Variants in USP5 observed in about 807,000 individuals in gnomAD.
USP5 encodes the protein ubiquitin specific peptidase 5, also known as ubiquitin carboxyl-terminal hydrolase 5.
Under a neutral mutation model 102.5 loss-of-function variants are expected in USP5, and 24 were observed. The ratio of observed to expected loss-of-function variants is 0.23; its 90% CI spans 0.17 to 0.33. The LOEUF (loss-of-function observed/expected upper bound fraction) is 0.33, where lower values mean the gene tolerates loss of function less well. Ranked by LOEUF, USP5 falls within the 10% of genes least tolerant of loss-of-function variation. The pLI is 1.00. For missense variants in USP5, 753 were observed against 1,122.1 expected (o/e 0.67, Z 4.70); for synonymous variants, 460 against 434.8 (o/e 1.06, Z -0.72).
chr12:6,855,601 T>G lies in USP5; in HGVS notation c.237+75T>G. On this transcript the variant is annotated intron_variant, in intron 2 of 19. Coordinates refer to ENST00000229268, the MANE Select transcript of USP5 (RefSeq NM_001098536.2). The surrounding 1 kb of genome is among the most constrained non-coding windows in gnomAD (Gnocchi z 4.6). ...GACCTCCTATTGGACTCAGTTTCTTTTTTTCACCTACTTTTGTGTCATTAA... is the reference window on the plus strand; with the variant it reads ...GACCTCCTATTGGACTCAGTTTCTTGTTTTCACCTACTTTTGTGTCATTAA... The G allele has an allele frequency of 6.3e-7, 1 of 1,591,546 alleles. No individual in the cohort carries two copies. The highest frequency in any genetic ancestry group is 1.1e-5 in the South Asian group (1 of 88,028).
At chr12:6,853,745 A>G (rs1944020756) in intron 1 of USP5, among the ~76,000 whole-genome samples, 1 of 152,222 alleles carries the variant, frequency 6.6e-6, no homozygotes, top group African/African-American at 2.4e-5. Context: ...TTCTTTGCTA[A>G]CCAACTTCCA....
intron 1 of USP5, among the ~76,000 whole-genome samples, chr12:6,854,174 T>C (rs1944039137): frequency 6.6e-6 from 1 of 152,254 alleles, no homozygotes; most frequent in African/African-American, 2.4e-5. Flanking sequence ...ATGTGTGTTC[T>C]AGCTATCTCA....
In USP5 at chr12:6,864,149, C is replaced by G; in HGVS notation, c.2198C>G (p.Ser733Cys). The change falls in exon 17 of 20, where the codon TCC (serine) becomes TGC (cysteine). Residue 733 changes from serine to cysteine, a missense_variant. By Grantham distance (112) the Ser-to-Cys change is moderately radical. Coordinates refer to ENST00000229268, the MANE Select transcript of USP5 (RefSeq NM_001098536.2). This position sits in a 1 kb window ranked among gnomAD's most constrained non-coding sequence, Gnocchi z 4.8. ...GAGGACTGTGTGACCACCATTGTCT[C>G]CATGGGCTTCTCCCGGGACCAGGCC... ...PPEDCVTTIV[S>C]MGFSRDQALK... The G allele has an allele frequency of 1.2e-6, 2 of 1,613,916 alleles. No homozygotes were observed. Among genetic ancestry groups the G allele is most frequent in the Non-Finnish European group, 1.7e-6 (2 of 1,179,866 alleles).
At chr12:6,862,376 C>A in intron 13 of USP5, 94 bp from the exon 14 acceptor site, 1 of 1,108,940 alleles carries the variant, frequency 9.0e-7, no homozygotes, top group Non-Finnish European at 1.4e-6. Flanking sequence ...GTTATTGGGA[C>A]TTCTACCCAT....
intron 7 of USP5, 25 bp downstream of exon 7, chr12:6,857,748 T>G (rs369275986): frequency 1.2e-6 from 2 of 1,612,520 alleles, no homozygotes; most frequent in Non-Finnish European, 1.7e-6. Flanking sequence ...AACTTCAGAT[T>G]CTTCTACTTC....
At position 6,861,166 on chromosome 12, in the gene USP5, C is replaced by T. The variant is rs1944266515; in HGVS notation, c.1498+60C>T. The T allele has an allele frequency of 3.8e-6, 6 of 1,596,678 alleles. No homozygotes were observed. The highest frequency in any genetic ancestry group is 1.9e-4 in the Middle Eastern group (1 of 5,396). ...GGGAGGCTAAGGTCTAGGAGGAATG[C>T]TTGGGCACCTCATGGGAGCACAGCC... On this transcript the variant is annotated intron_variant, in intron 12 of 19. Coordinates refer to ENST00000229268, the MANE Select transcript of USP5 (RefSeq NM_001098536.2). The surrounding 1 kb of genome is among the most constrained non-coding windows in gnomAD (Gnocchi z 4.9).
In USP5 at chr12:6,865,816, C is replaced by T. The variant is rs781956555; in HGVS notation, c.2484-168C>T. Among the ~76,000 whole-genome samples the T allele has an allele frequency of 7.9e-5, 12 of 152,266 alleles. No individual in the cohort carries two copies. In the East Asian group the frequency reaches 2.3e-3, roughly 29 times the overall value. On this transcript the variant is annotated intron_variant, in intron 19 of 19. Transcript: ENST00000229268. ...TGAAGACATAATAGGGTCCGTGACC[C>T]TTGTGAGGTTGTGAAGCTCCCTTAA...
At position 6,856,604 on chromosome 12, in the gene USP5, AG is replaced by A; in HGVS notation, c.585-102del. On this transcript the variant is annotated intron_variant, in intron 5 of 19. Coordinates refer to ENST00000229268, the MANE Select transcript of USP5 (RefSeq NM_001098536.2). This position sits in a 1 kb window ranked among gnomAD's most constrained non-coding sequence, Gnocchi z 5.6. ...CATGGGGATGGCCAGAGGAGAAGAG[AG>A]AGAGACCTTGGATTGGCGGGGGGCC... The A allele has an allele frequency of 6.4e-7, 1 of 1,560,232 alleles. No homozygotes were observed.
In USP5 at chr12:6,855,721, C is replaced by T; in HGVS notation, c.238-34C>T. 1 of 1,613,612 alleles carries T rather than the reference C, an allele frequency of 6.2e-7. No homozygotes were observed. The highest frequency in any genetic ancestry group is 8.5e-7 in the Non-Finnish European group (1 of 1,179,628). ...CCCGACTTGTTCCTTCGCTCGTGCT[C>T]ATTGCTGATCCAGCCCTTCCTGCTT... On this transcript the variant is annotated intron_variant, in intron 2 of 19. Coordinates refer to ENST00000229268, the MANE Select transcript of USP5 (RefSeq NM_001098536.2). This position sits in a 1 kb window ranked among gnomAD's most constrained non-coding sequence, Gnocchi z 4.6.
chr12:6,856,788 C>G lies in USP5; in HGVS notation c.666C>G (p.Arg222=). Residue 222 remains arginine (R), a synonymous_variant, in exon 6 of 20, where the codon CGC becomes CGG. Transcript: ENST00000229268. This position sits in a 1 kb window ranked among gnomAD's most constrained non-coding sequence, Gnocchi z 5.6. ...LTDGSILCGR[R]YFDGSGGNNH... ...ATGGCTCCATCCTCTGTGGGCGACG[C>G]TACTTCGATGGCAGTGGGGGCAACA... is the stretch of plus-strand genomic sequence containing the variant. 6.2e-7 allele frequency: 1 copy of G among 1,614,196 alleles called. No individual in the cohort carries two copies. Among genetic ancestry groups the G allele is most frequent in the Non-Finnish European group, 8.5e-7 (1 of 1,180,028 alleles).
rs1555127046 is a variant in USP5, at chr12:6,852,308, G to C, written c.111+18G>C. 6.3e-7 allele frequency: 1 copy of C among 1,594,824 alleles called. No individual in the cohort carries two copies. The highest frequency in any genetic ancestry group is 1.3e-5 in the African/African-American group (1 of 74,926). On this transcript the variant is annotated intron_variant, in intron 1 of 19. Coordinates refer to ENST00000229268, the MANE Select transcript of USP5 (RefSeq NM_001098536.2). ...ACACGCCGGTAAGCCCATTCCCCAC[G>C]CCCGCAACGAGCACGACTTCCTTCC...
chr12:6,856,384 T>A lies in USP5; in HGVS notation c.518T>A (p.Val173Glu), dbSNP rs1565530104. The A allele has an allele frequency of 8.7e-6, 14 of 1,613,770 alleles. No homozygotes were observed. Among genetic ancestry groups the A allele is most frequent in the Non-Finnish European group, 1.1e-5 (13 of 1,179,970 alleles). ...GAGGTGCAGGCATGGGATGGGGAAG[T>A]ACGGCAGGTGTCTAAGCATGCCTTC... ...KQEVQAWDGEVRQVSKHAFSL... is the reference protein window; with the variant it reads ...KQEVQAWDGEERQVSKHAFSL... The change falls in exon 5 of 20, where the codon GTA becomes GAA. Residue 173 changes from valine (V) to glutamate (E), a missense_variant. Physicochemically the swap from Val to Glu is moderately radical, Grantham distance 121 (BLOSUM62 -2). This residue lies in a region of USP5 where 527 missense variants were observed against 816.5 expected (regional missense o/e 0.65). Coordinates refer to ENST00000229268, the MANE Select transcript of USP5 (RefSeq NM_001098536.2). This position sits in a 1 kb window ranked among gnomAD's most constrained non-coding sequence, Gnocchi z 5.6.
Position 6,858,689 on chromosome 12 carries a change from T to C in USP5, c.1058+72T>C. On this transcript the variant is annotated intron_variant, in intron 8 of 19. Coordinates refer to ENST00000229268, the MANE Select transcript of USP5 (RefSeq NM_001098536.2). This position sits in a 1 kb window ranked among gnomAD's most constrained non-coding sequence, Gnocchi z 4.2. ...CTCTGGGCATACTCCTCCTTCAGCTTCCCTCAGCACCTCTGTGTTTGATTC... is the reference window on the plus strand; with the variant it reads ...CTCTGGGCATACTCCTCCTTCAGCTCCCCTCAGCACCTCTGTGTTTGATTC... 7.2e-7 allele frequency: 1 copy of C among 1,383,986 alleles called. No individual in the cohort carries two copies. The highest frequency in any genetic ancestry group is 2.5e-5 in the East Asian group (1 of 40,670). 85.7% of individuals were successfully genotyped at this position (1,383,986 alleles called of 1,614,324 possible).
In USP5 at chr12:6,859,450, G is replaced by C; in HGVS notation, c.1059-20G>C. 1 of 1,613,826 alleles carries C rather than the reference G, an allele frequency of 6.2e-7. No homozygotes were observed. Among genetic ancestry groups the C allele is most frequent in the South Asian group, 1.1e-5 (1 of 91,070 alleles). ...CGCTCAGGCCAGAGCCCCTCCAACT[G>C]TCCTTCCCTTGACTTTTAGGTATGT... On this transcript the variant is annotated intron_variant, in intron 8 of 19. Coordinates refer to ENST00000229268, the MANE Select transcript of USP5 (RefSeq NM_001098536.2).
At position 6,863,797 on chromosome 12, in the gene USP5, A is replaced by C; in HGVS notation, c.1955-33A>C. 6.5e-7 allele frequency: 1 copy of C among 1,527,004 alleles called. No individual in the cohort carries two copies. Among genetic ancestry groups the C allele is most frequent in the East Asian group, 2.3e-5 (1 of 43,248 alleles). The allele number at this position is 1,527,004 out of a possible 1,614,324, so 94.6% of individuals were successfully genotyped here. On this transcript the variant is annotated intron_variant, in intron 15 of 19. Coordinates refer to ENST00000229268, the MANE Select transcript of USP5 (RefSeq NM_001098536.2). The surrounding 1 kb of genome is among the most constrained non-coding windows in gnomAD (Gnocchi z 4.7). The stretch of plus-strand genomic sequence containing the variant: ...AGGAGGAGCAAACAGTGGCCCAATC[A>C]GTCGGTCCGTGTACCCACAATTCCC...
rs782307575 is a variant in USP5, at chr12:6,855,046, G to A, written c.112-355G>A. On this transcript the variant is annotated intron_variant, in intron 1 of 19. Coordinates refer to ENST00000229268, the MANE Select transcript of USP5 (RefSeq NM_001098536.2). This position sits in a 1 kb window ranked among gnomAD's most constrained non-coding sequence, Gnocchi z 4.6. Reference sequence around the variant, plus strand: ...TTACTTTCTGGATCTGTTAGCCCCAGGATAGAGGTGAAGGAAGTCCTCTGT... The same window carrying A: ...TTACTTTCTGGATCTGTTAGCCCCAAGATAGAGGTGAAGGAAGTCCTCTGT... 3.3e-5 allele frequency among the ~76,000 whole-genome samples: 5 copies of A among 152,244 alleles called. No individual in the cohort carries two copies. The highest frequency in any genetic ancestry group is 1.2e-4 in the African/African-American group (5 of 41,534).
Position 6,855,574 on chromosome 12 carries a change from C to T in USP5, c.237+48C>T. On this transcript the variant is annotated intron_variant, in intron 2 of 19. Coordinates refer to ENST00000229268, the MANE Select transcript of USP5 (RefSeq NM_001098536.2). The surrounding 1 kb of genome is among the most constrained non-coding windows in gnomAD (Gnocchi z 4.6). ...GCCTGGGTACATTGTCTGTTCCATTCTGACCTCCTATTGGACTCAGTTTCT... is the reference window on the plus strand; with the variant it reads ...GCCTGGGTACATTGTCTGTTCCATTTTGACCTCCTATTGGACTCAGTTTCT... 2 of 1,606,072 alleles carry T rather than the reference C, an allele frequency of 1.2e-6. No individual in the cohort carries two copies. The highest frequency in any genetic ancestry group is 2.2e-5 in the East Asian group (1 of 44,812).
Position 6,863,371 on chromosome 12 carries a change from C to T in USP5, c.1948C>T (p.Pro650Ser). 6.2e-7 allele frequency: 1 copy of T among 1,613,530 alleles called. No individual in the cohort carries two copies. Among genetic ancestry groups the T allele is most frequent in the South Asian group, 1.1e-5 (1 of 90,972 alleles). ...CTTCTGCTCCCCTCACTTCTCCTCT[C>T]CGACATGTTAGTGACTCTTCTTCCT... ...DSFCSPHFSS[P>S]TSPMLDESVI... is the part of the protein sequence containing the mutation. The change falls in exon 15 of 20, where the codon CCG becomes TCG. Residue 650 changes from proline (P) to serine (S), a missense_variant. Pro to Ser is a moderately conservative substitution (Grantham distance 74, BLOSUM62 -1). Transcript: ENST00000229268. The surrounding 1 kb of genome is among the most constrained non-coding windows in gnomAD (Gnocchi z 4.7).
chr12:6,865,010 G>A, intron 18 of USP5, 135 bp downstream of exon 18: 1 of 1,372,034 alleles, frequency 7.3e-7, no homozygotes, highest in Admixed American at 2.2e-5. Flanking sequence ...TCTGAGGGTG[G>A]GGTTCTCTGA....
Sources: gnomAD v4.1 joint callset for allele counts (sites outside exome capture counted in the v4.1 genomes callset) on GRCh38, gnomAD v4.1.1 for gene constraint, gnomAD v4.1.1 regional missense constraint, Gnocchi (gnomAD v3.1) non-coding constraint, MANE v1.5 for transcripts, NCBI Gene and HGNC (gene_info 2026-07-23, HGNC 2026-07-21) for gene names.